MAPKAPK5: variants seen among roughly 807,000 people sequenced by gnomAD.
MAPKAPK5 encodes the protein MAPK activated protein kinase 5.
A neutral mutation model predicts 65.1 loss-of-function variants in MAPKAPK5; 30 were observed. The observed-to-expected ratio is 0.46, with a 90% confidence interval of 0.34 to 0.63. The LOEUF (loss-of-function observed/expected upper bound fraction) is 0.63, where lower values mean the gene tolerates loss of function less well. MAPKAPK5 is among the 20% of genes least tolerant of loss of function. MAPKAPK5 has a pLI of 0.01. For synonymous variants in MAPKAPK5, 179 were observed against 204.6 expected (o/e 0.87, Z 1.07); for missense variants, 433 against 581.4 (o/e 0.74, Z 2.63).
At chr12:111,843,870 T>G (rs1566214690) in intron 1 of MAPKAPK5, among the ~76,000 whole-genome samples, 1 of 152,224 alleles carries the variant, frequency 6.6e-6, no homozygotes, top group Non-Finnish European at 1.5e-5. Flanking sequence ...TGGAGTGCAG[T>G]GGCCCGATCT....
intron 7 of MAPKAPK5, among the ~76,000 whole-genome samples, chr12:111,872,045 A>G (rs1202116894): frequency 2.6e-5 from 4 of 152,148 alleles, no homozygotes; most frequent in Non-Finnish European, 5.9e-5. Flanking sequence ...GTAGTATTTC[A>G]TTATATACCT....
chr12:111,880,168 T>C, intron 7 of MAPKAPK5: 1 of 449,158 alleles, frequency 2.2e-6, no homozygotes, highest in Admixed American at 3.4e-5. Context: ...CAGGAAAAAG[T>C]CAGTGATCTC....
intron 7 of MAPKAPK5, among the ~76,000 whole-genome samples, chr12:111,871,767 T>C (rs7962814): frequency 0.085 from 12,986 of 152,254 alleles, 655 homozygotes; most frequent in Middle Eastern, 0.17. Flanking sequence ...ATACCCCATA[T>C]GGCGACCACC....
intron 10 of MAPKAPK5, 134 bp from the exon 11 acceptor site, chr12:111,888,354 A>G: frequency 7.7e-7 from 1 of 1,293,872 alleles, no homozygotes; most frequent in Non-Finnish European, 1.0e-6. Flanking sequence ...CCTTATCAAA[A>G]TATTTATATT....
At chr12:111,868,084 TAAAAC>T (rs1213708583) in intron 4 of MAPKAPK5, among the ~76,000 whole-genome samples, 1 of 152,200 alleles carries the variant, frequency 6.6e-6, no homozygotes, top group Non-Finnish European at 1.5e-5. Context: ...TAGAGGCTGA[TAAAAC>T]AAAAAGCCTT....
chr12:111,851,532 C>T (rs2069082612), intron 1 of MAPKAPK5, among the ~76,000 whole-genome samples: 1 of 151,104 alleles, frequency 6.6e-6, no homozygotes, highest in Non-Finnish European at 1.5e-5. Flanking sequence ...CACCATTTTG[C>T]CCAGGTTGGT....
At chr12:111,867,034 A>C (rs1300230565) in intron 3 of MAPKAPK5, among the ~76,000 whole-genome samples, 1 of 152,070 alleles carries the variant, frequency 6.6e-6, no homozygotes, top group Non-Finnish European at 1.5e-5. Context: ...AGCTCAAGTG[A>C]TCCTTCTACC....
At position 111,888,635 on chromosome 12, in the gene MAPKAPK5, C is replaced by G. The variant is rs371883577; in HGVS notation, c.1100+17C>G. The stretch of plus-strand genomic sequence containing the variant: ...GTTACTTGGGTAACTGAGCTTATTT[C>G]TTCGATTCTTCTTCATGGCTGGAAT... On this transcript the variant is annotated intron_variant, in intron 11 of 13. Coordinates refer to ENST00000550735, the MANE Select transcript of MAPKAPK5 (RefSeq NM_003668.4). 1 of 1,612,470 alleles carries G rather than the reference C, an allele frequency of 6.2e-7. No homozygotes were observed. The highest frequency in any genetic ancestry group is 1.1e-5 in the South Asian group (1 of 90,668).
chr12:111,868,846 C>T lies in MAPKAPK5; in HGVS notation c.378C>T (p.Ser126=). Residue 126 remains serine (S), a synonymous_variant, in exon 5 of 14, where the codon AGC becomes AGT. Transcript: ENST00000550735. The part of the protein sequence containing the change: ...QHRHFTEKQA[S]QVTKQIALAL... ...GGCACTTTACAGAGAAGCAAGCCAG[C>T]CAAGTAACAAAGCAGGCAAGTTAAC... 6.4e-7 allele frequency: 1 copy of T among 1,559,802 alleles called. No individual in the cohort carries two copies. The highest frequency in any genetic ancestry group is 1.4e-5 in the African/African-American group (1 of 73,308).
intron 1 of MAPKAPK5, among the ~76,000 whole-genome samples, chr12:111,851,055 C>T (rs1426914865): frequency 2.0e-5 from 3 of 151,946 alleles, no homozygotes; most frequent in Admixed American, 6.6e-5. Context: ...CCTGCCACCA[C>T]GCCCAGCTAA....
rs1678290814 is a variant in MAPKAPK5 at position 111,901,583 on chromosome 12, C to G, written c.*8522C>G. The G allele has an allele frequency of 3.3e-6, 1 of 303,444 alleles. No individual in the cohort carries two copies. Among genetic ancestry groups the G allele is most frequent in the South Asian group, 3.0e-5 (1 of 33,408 alleles). The allele number at this position is 303,444 out of a possible 1,614,324, so 18.8% of individuals were successfully genotyped here. On this transcript the variant is annotated 3_prime_UTR_variant, in exon 14 of 14. Coordinates refer to ENST00000550735, the MANE Select transcript of MAPKAPK5 (RefSeq NM_003668.4). ...GGCAGAAGCTCCTCCAGCAGTGGCT[C>G]CACCACCGGCCCCAGAAATAAAGCC...
At chr12:111,891,095 G>C (rs1385605898) in intron 13 of MAPKAPK5, among the ~76,000 whole-genome samples, 1 of 151,614 alleles carries the variant, frequency 6.6e-6, no homozygotes, top group Admixed American at 6.6e-5. Context: ...GTTGTTTTTT[G>C]TTTTGTTTTG....
intron 1 of MAPKAPK5, among the ~76,000 whole-genome samples, chr12:111,852,805 ACT>A (rs2069125315): frequency 6.6e-6 from 1 of 151,648 alleles, no homozygotes; most frequent in South Asian, 2.1e-4. Flanking sequence ...ACAGAGTCTC[ACT>A]CTGTCTCGCA....
Position 111,883,903 on chromosome 12 carries a change from G to C in MAPKAPK5, c.848+135G>C. ...GTTTTAATATCACAGAAATCTCTCTGGAGCCTGAGGTGACTGTTCTCAGTG... is the reference window on the plus strand; with the variant it reads ...GTTTTAATATCACAGAAATCTCTCTCGAGCCTGAGGTGACTGTTCTCAGTG... On this transcript the variant is annotated intron_variant, in intron 9 of 13. Transcript: ENST00000550735. The surrounding 1 kb of genome is among the most constrained non-coding windows in gnomAD (Gnocchi z 4.8). 1.1e-6 allele frequency: 1 copy of C among 871,026 alleles called. No homozygotes were observed. The highest frequency in any genetic ancestry group is 1.7e-6 in the Non-Finnish European group (1 of 581,122). 54.0% of individuals were successfully genotyped at this position (871,026 alleles called of 1,614,324 possible).
chr12:111,855,822 T>C (rs998808634), intron 1 of MAPKAPK5, among the ~76,000 whole-genome samples: 2 of 148,636 alleles, frequency 1.3e-5, no homozygotes, highest in Non-Finnish European at 1.5e-5. Context: ...TGAGACTCCA[T>C]CTCAAGAAAA....
intron 1 of MAPKAPK5, among the ~76,000 whole-genome samples, chr12:111,843,851 C>T (rs948301041): frequency 8.5e-5 from 13 of 152,204 alleles, no homozygotes; most frequent in Non-Finnish European, 1.6e-4. Context: ...CTCACTCTGT[C>T]GCCCAGGCTG....
At chr12:111,867,222 CT>C (rs1422823986) in intron 3 of MAPKAPK5, among the ~76,000 whole-genome samples, 1 of 152,176 alleles carries the variant, frequency 6.6e-6, no homozygotes, top group Non-Finnish European at 1.5e-5. Flanking sequence ...GCCACTGCCC[CT>C]GGTTATACAT....
intron 1 of MAPKAPK5, among the ~76,000 whole-genome samples, chr12:111,845,941 A>G (rs1386824187): frequency 2.0e-5 from 3 of 152,116 alleles, no homozygotes; most frequent in Non-Finnish European, 2.9e-5. Context: ...AATAATACCT[A>G]ACAGCAAGAG....
At chr12:111,879,068 T>C (rs2070100510) in intron 7 of MAPKAPK5, among the ~76,000 whole-genome samples, 1 of 152,212 alleles carries the variant, frequency 6.6e-6, no homozygotes, top group African/African-American at 2.4e-5. Flanking sequence ...ACTGGGAGTT[T>C]TGACTGGGGT....
Sources: allele counts gnomAD v4.1 joint callset (sites outside exome capture counted in the v4.1 genomes callset), GRCh38; gene constraint gnomAD v4.1.1; non-coding constraint Gnocchi (gnomAD v3.1); transcripts MANE v1.5; gene names NCBI Gene and HGNC (gene_info 2026-07-23, HGNC 2026-07-21).